Variants in GPC6 observed in about 807,000 individuals in gnomAD.
GPC6 encodes glypican 6, also known as glypican-6.
Under a neutral mutation model 55.2 loss-of-function variants are expected in GPC6, and 14 were observed. The ratio of observed to expected loss-of-function variants is 0.25; its 90% CI spans 0.17 to 0.40. GPC6 has a LOEUF of 0.40. Ranked by LOEUF, GPC6 falls within the 10% of genes least tolerant of loss-of-function variation. GPC6 has a pLI of 1.00. For synonymous variants in GPC6, 278 were observed against 259.6 expected (o/e 1.07, Z -0.68); for missense variants, 641 against 708.5 (o/e 0.90, Z 1.08).
intron 1 of GPC6, among the ~76,000 whole-genome samples, chr13:93,316,525 A>G (rs1383874593): frequency 6.6e-6 from 1 of 152,056 alleles, no homozygotes; most frequent in East Asian, 1.9e-4. Flanking sequence ...AGTATGCTCT[A>G]GGGCATAAAG....
At chr13:93,375,295 C>T (rs1344642926) in intron 1 of GPC6, among the ~76,000 whole-genome samples, 1 of 152,168 alleles carries the variant, frequency 6.6e-6, no homozygotes, top group African/African-American at 2.4e-5. Flanking sequence ...AATGTAATAA[C>T]ACAGCAAAGC....
At position 94,123,456 on chromosome 13, in the gene GPC6, G is replaced by A. The variant is rs193141135; in HGVS notation, c.877+95562G>A. On this transcript the variant is annotated intron_variant, in intron 4 of 8. Transcript: ENST00000377047. ...TCAAACATATATACTTAAGTTACTG[G>A]ATATGTAAACTTAATTCATATACCT... 3.7e-3 allele frequency among the ~76,000 whole-genome samples: 555 copies of A among 152,014 alleles called. 4 individuals are homozygous for A. The highest frequency in any genetic ancestry group is 0.013 in the African/African-American group (524 of 41,506).
intron 1 of GPC6, among the ~76,000 whole-genome samples, chr13:93,494,346 C>T (rs1317780802): frequency 2.8e-5 from 4 of 142,416 alleles, no homozygotes; most frequent in Admixed American, 7.1e-5. Context: ...GGATTGCAAC[C>T]CCTGCCTTTT....
intron 3 of GPC6, among the ~76,000 whole-genome samples, chr13:93,982,624 A>G (rs900031745): frequency 6.6e-6 from 1 of 152,172 alleles, no homozygotes; most frequent in Non-Finnish European, 1.5e-5. Flanking sequence ...ATATCCACCA[A>G]CTTACTAAGG....
intron 6 of GPC6, among the ~76,000 whole-genome samples, chr13:94,313,726 TG>T (rs900961375): frequency 1.3e-5 from 2 of 152,208 alleles, no homozygotes; most frequent in East Asian, 1.9e-4. Context: ...TAAATCATAT[TG>T]GGGGCGATTT....
chr13:94,252,535 A>G (rs747275971), intron 4 of GPC6, among the ~76,000 whole-genome samples: 3 of 152,094 alleles, frequency 2.0e-5, no homozygotes, highest in Non-Finnish European at 2.9e-5. Context: ...GGCGATTTCA[A>G]TGCTGAAATT....
At chr13:93,659,157 A>T (rs904936764) in intron 2 of GPC6, among the ~76,000 whole-genome samples, 1 of 151,914 alleles carries the variant, frequency 6.6e-6, no homozygotes, top group Non-Finnish European at 1.5e-5. Context: ...AAAATTAATC[A>T]TGATAGCCCA....
intron 3 of GPC6, among the ~76,000 whole-genome samples, chr13:93,972,929 CTCTCTCTCTCTCTCTGTCTT>C (rs1365130653): frequency 6.7e-6 from 1 of 149,422 alleles, no homozygotes; most frequent in East Asian, 2.0e-4. Flanking sequence ...GTCTCTCTGT[CTCTCTCTCTCTCTCTGTCTT>C]TCTCTCTCTC....
rs544618693 is a variant in GPC6 at position 93,602,529 on chromosome 13, CA to C, written c.319+57109del. 1.4e-4 allele frequency among the ~76,000 whole-genome samples: 21 copies of C among 152,186 alleles called. No individual in the cohort carries two copies. In the East Asian group the frequency reaches 3.7e-3, roughly 27 times the overall value. On this transcript the variant is annotated intron_variant, in intron 2 of 8. Coordinates refer to ENST00000377047, the MANE Select transcript of GPC6 (RefSeq NM_005708.5). Reference sequence around the variant, plus strand: ...ATATTCTTCTACAGCCACTTTCTGACATCTTATGTAAGGGAAACTGAAAATC... The same window carrying C: ...ATATTCTTCTACAGCCACTTTCTGACTCTTATGTAAGGGAAACTGAAAATC...
At chr13:93,344,360 G>A (rs1047648535) in intron 1 of GPC6, among the ~76,000 whole-genome samples, 1 of 152,128 alleles carries the variant, frequency 6.6e-6, no homozygotes, top group African/African-American at 2.4e-5. Flanking sequence ...ATATCCCAAG[G>A]CAGGCTTTTT....
intron 4 of GPC6, among the ~76,000 whole-genome samples, chr13:94,192,515 A>G (rs980001756): frequency 6.6e-6 from 1 of 152,232 alleles, no homozygotes; most frequent in Admixed American, 6.5e-5. Flanking sequence ...CACATATGCC[A>G]GATCTCCCCT....
chr13:93,534,458 C>T (rs866518923), intron 1 of GPC6, among the ~76,000 whole-genome samples: 2 of 152,082 alleles, frequency 1.3e-5, no homozygotes, highest in African/African-American at 4.8e-5. Flanking sequence ...CTTCTGAGGG[C>T]GGAGAGCTTG....
At chr13:93,505,437 A>G (rs1880676411) in intron 1 of GPC6, among the ~76,000 whole-genome samples, 1 of 152,100 alleles carries the variant, frequency 6.6e-6, no homozygotes, top group Non-Finnish European at 1.5e-5. Flanking sequence ...ACGTGCACAC[A>G]CACACACACA....
rs550757409 is a variant in GPC6 at position 93,664,309 on chromosome 13, G to A, written c.319+118888G>A. Among the ~76,000 whole-genome samples, 9 of 152,110 alleles carry A rather than the reference G, an allele frequency of 5.9e-5. 1 individual carries two copies. The highest frequency in any genetic ancestry group is 9.6e-5 in the African/African-American group (4 of 41,506). ...TCAAGATCATGCTTTTAAAAAGCCC[G>A]TTAGCTGCAGATAAACAAAAAAATG... On this transcript the variant is annotated intron_variant, in intron 2 of 8. Coordinates refer to ENST00000377047, the MANE Select transcript of GPC6 (RefSeq NM_005708.5).
chr13:93,911,770 A>T (rs1161096184), intron 3 of GPC6, among the ~76,000 whole-genome samples: 1 of 152,252 alleles, frequency 6.6e-6, no homozygotes, highest in Admixed American at 6.5e-5. Flanking sequence ...TTGTTATAAA[A>T]ATTCAATGAG....
intron 4 of GPC6, among the ~76,000 whole-genome samples, chr13:94,253,295 G>A (rs1383351007): frequency 5.9e-5 from 9 of 152,106 alleles, no homozygotes. Context: ...TATTTAAAAT[G>A]ATTGTAAGTG....
rs189803475 is a variant in GPC6, at chr13:94,065,169, G to A, written c.877+37275G>A. Among the ~76,000 whole-genome samples the A allele has an allele frequency of 8.0e-4, 122 of 152,062 alleles. 1 individual carries two copies. Among genetic ancestry groups the A allele is most frequent in the African/African-American group, 2.9e-3 (119 of 41,484 alleles). On this transcript the variant is annotated intron_variant, in intron 4 of 8. Transcript: ENST00000377047. ...TTTGTAGATGATACACTTGTAAAACGCATGGCATATGCTTTGCCTGTTAAT... is the reference window on the plus strand; with the variant it reads ...TTTGTAGATGATACACTTGTAAAACACATGGCATATGCTTTGCCTGTTAAT...
chr13:94,332,406 T>C (rs577126276), intron 6 of GPC6, among the ~76,000 whole-genome samples: 16 of 152,346 alleles, frequency 1.1e-4, no homozygotes, highest in African/African-American at 3.8e-4. Flanking sequence ...AAAAGAAAGA[T>C]ACTAGCAGTC....
chr13:93,762,767 A>G (rs541708744), intron 2 of GPC6, among the ~76,000 whole-genome samples: 1 of 152,356 alleles, frequency 6.6e-6, no homozygotes, highest in Non-Finnish European at 1.5e-5. Context: ...ATGTGCTGGT[A>G]TACAGATAAA....
Sources: gnomAD v4.1 joint callset for allele counts (sites outside exome capture counted in the v4.1 genomes callset) on GRCh38, gnomAD v4.1.1 for gene constraint, MANE v1.5 for transcripts, NCBI Gene and HGNC (gene_info 2026-07-23, HGNC 2026-07-21) for gene names.